The following TANGO6 variants were observed in gnomAD, a reference collection of about 807,000 sequenced individuals.
TANGO6 encodes transport and golgi organization 6 homolog.
Under a neutral mutation model 114.2 loss-of-function variants are expected in TANGO6, and 90 were observed. That is an observed-to-expected ratio of 0.79 (90% CI 0.66 to 0.94). The LOEUF is 0.94. Ranked by LOEUF, TANGO6 falls within the 40% of genes least tolerant of loss-of-function variation. TANGO6 has a pLI of 0.00. For synonymous variants in TANGO6, 477 were observed against 509.8 expected (o/e 0.94, Z 0.87); for missense variants, 1,274 against 1,315.3 (o/e 0.97, Z 0.49).
intron 9 of TANGO6, among the ~76,000 whole-genome samples, chr16:68,904,277 C>T (rs574836165): frequency 1.3e-5 from 2 of 152,104 alleles, no homozygotes; most frequent in African/African-American, 2.4e-5. Flanking sequence ...AGGCTAACGT[C>T]GTGTTGTTTT....
At chr16:68,957,226 G>A (rs2152207690) in intron 14 of TANGO6, among the ~76,000 whole-genome samples, 1 of 152,032 alleles carries the variant, frequency 6.6e-6, no homozygotes, top group South Asian at 2.1e-4. Flanking sequence ...ACAATTCAGT[G>A]TCATTAGTTG....
At chr16:68,922,204 G>GT (rs1820442700) in intron 12 of TANGO6, among the ~76,000 whole-genome samples, 1 of 150,540 alleles carries the variant, frequency 6.6e-6, no homozygotes, top group South Asian at 2.1e-4. Flanking sequence ...GAAAAAGCAT[G>GT]TATTTAAGAC....
At chr16:68,921,228 A>G (rs1194509189) in intron 12 of TANGO6, among the ~76,000 whole-genome samples, 1 of 148,864 alleles carries the variant, frequency 6.7e-6, no homozygotes, top group Non-Finnish European at 1.5e-5. Context: ...TGTCACCCAG[A>G]CTGGAATGCA....
intron 13 of TANGO6, among the ~76,000 whole-genome samples, chr16:68,929,496 C>A (rs750647193): frequency 3.3e-5 from 5 of 152,290 alleles, no homozygotes; most frequent in Admixed American, 6.5e-5. Context: ...ACATACTTCA[C>A]ATGTAGAGAC....
intron 17 of TANGO6, among the ~76,000 whole-genome samples, chr16:69,064,488 C>G (rs1960185618): frequency 6.6e-6 from 1 of 152,190 alleles, no homozygotes; most frequent in African/African-American, 2.4e-5. Context: ...ACCAGCCTTT[C>G]TGCTGCTCCC....
chr16:68,900,975 G>A (rs1465918081), intron 8 of TANGO6, among the ~76,000 whole-genome samples: 1 of 152,192 alleles, frequency 6.6e-6, no homozygotes, highest in Admixed American at 6.5e-5. Flanking sequence ...TGGTGTTGGT[G>A]ATGCAGTGTG....
chr16:68,876,421 G>A (rs1181231832), intron 5 of TANGO6, among the ~76,000 whole-genome samples: 18 of 151,730 alleles, frequency 1.2e-4, no homozygotes, highest in Admixed American at 6.6e-4. Flanking sequence ...TCGGCCTCCC[G>A]AAGTGCTGGG....
chr16:68,996,662 A>C (rs536657856), intron 15 of TANGO6, among the ~76,000 whole-genome samples: 1 of 152,202 alleles, frequency 6.6e-6, no homozygotes, highest in African/African-American at 2.4e-5. Context: ...CATCCAAGAC[A>C]GGAGGAAAAG....
intron 9 of TANGO6, among the ~76,000 whole-genome samples, chr16:68,904,195 C>T (rs1297449310): frequency 6.6e-6 from 1 of 152,114 alleles, no homozygotes; most frequent in East Asian, 1.9e-4. Flanking sequence ...CAACCTCTGC[C>T]TCCTGGGTTC....
At chr16:69,024,980 G>A (rs1038942520) in intron 16 of TANGO6, among the ~76,000 whole-genome samples, 1 of 151,982 alleles carries the variant, frequency 6.6e-6, no homozygotes, top group African/African-American at 2.4e-5. Context: ...GTTAAGTTTT[G>A]TATTTTTAGT....
intron 6 of TANGO6, among the ~76,000 whole-genome samples, chr16:68,879,686 G>T (rs922058310): frequency 6.7e-5 from 10 of 148,920 alleles, no homozygotes; most frequent in Non-Finnish European, 7.4e-5. Flanking sequence ...GCATGATCTC[G>T]GCTCACTGCA....
In TANGO6 at chr16:68,880,643, A is replaced by C. The variant is rs777461133; in HGVS notation, c.1377+13A>C. 6.5e-7 allele frequency: 1 copy of C among 1,547,292 alleles called. No homozygotes were observed. On this transcript the variant is annotated intron_variant, in intron 7 of 17. Coordinates refer to ENST00000261778, the MANE Select transcript of TANGO6 (RefSeq NM_024562.2). ...GGATGTGTTTAAGGTTGGTAATCTGAGTCACTAATGTTTTTATTTACTTCT... is the reference window on the plus strand; with the variant it reads ...GGATGTGTTTAAGGTTGGTAATCTGCGTCACTAATGTTTTTATTTACTTCT...
intron 7 of TANGO6, 74 bp from the exon 8 acceptor site, chr16:68,900,360 G>A: frequency 8.6e-7 from 1 of 1,160,032 alleles, no homozygotes; most frequent in South Asian, 1.3e-5. Context: ...GCCCTGCTAG[G>A]TGTTTGGTGT....
chr16:69,070,266 G>C (rs9928502), intron 17 of TANGO6, among the ~76,000 whole-genome samples: 3,604 of 152,082 alleles, frequency 0.024, 147 homozygotes, highest in African/African-American at 0.082. Flanking sequence ...TCCATAGACA[G>C]AGTAGGGCAT....
chr16:69,021,026 G>A (rs1250086595), intron 15 of TANGO6, among the ~76,000 whole-genome samples: 1 of 151,280 alleles, frequency 6.6e-6, no homozygotes, highest in Admixed American at 6.6e-5. Context: ...TTCTACCTTG[G>A]ACCCTTGTTC....
At chr16:68,853,561 A>G (rs28691668) in intron 1 of TANGO6, among the ~76,000 whole-genome samples, 39,844 of 151,974 alleles carry the variant, frequency 0.26, 5,701 homozygotes, top group African/African-American at 0.4. Flanking sequence ...GGCTGTTTCC[A>G]GTTTTGGGGT....
At chr16:68,982,992 A>G (rs1963854511) in intron 15 of TANGO6, among the ~76,000 whole-genome samples, 1 of 151,884 alleles carries the variant, frequency 6.6e-6, no homozygotes, top group African/African-American at 2.4e-5. Flanking sequence ...CACTTCAGGA[A>G]GCCTCAGATT....
intron 12 of TANGO6, among the ~76,000 whole-genome samples, chr16:68,923,421 T>C (rs140130506): frequency 3.0e-4 from 45 of 152,238 alleles, no homozygotes; most frequent in African/African-American, 1.1e-3. Context: ...TAGAGGTCTA[T>C]TGCAGAATGG....
chr16:68,920,957 CA>C (rs1028574162), intron 12 of TANGO6, among the ~76,000 whole-genome samples: 2 of 149,718 alleles, frequency 1.3e-5, no homozygotes, highest in Admixed American at 6.6e-5. Context: ...ACTAAAAATA[CA>C]AAAAAAAGGT....
Sources: gnomAD v4.1 joint callset for allele counts (sites outside exome capture counted in the v4.1 genomes callset) on GRCh38, gnomAD v4.1.1 for gene constraint, MANE v1.5 for transcripts, NCBI Gene and HGNC (gene_info 2026-07-23, HGNC 2026-07-21) for gene names.